Variants in MOCOS observed in about 807,000 individuals in gnomAD.
MOCOS encodes human molybdenum cofactor sulfurase.
In MOCOS, 86 loss-of-function variants were observed where a neutral mutation model predicts 83.6. The observed-to-expected ratio is 1.03, with a 90% confidence interval of 0.86 to 1.23. The LOEUF is 1.23. Among genes scored for constraint, MOCOS ranks in the 50% most tolerant of loss-of-function variants. MOCOS has a pLI of 0.00. For missense variants in MOCOS, 1,120 were observed against 1,126.9 expected (o/e 0.99, Z 0.09); for synonymous variants, 445 against 434.7 (o/e 1.02, Z -0.29).
chr18:36,191,398 C>T (rs1280675875), intron 1 of MOCOS, among the ~76,000 whole-genome samples: 1 of 152,230 alleles, frequency 6.6e-6, no homozygotes, highest in African/African-American at 2.4e-5. Context: ...CAATTGCTGT[C>T]ACTCATGTCT....
chr18:36,215,115 G>A (rs967946563), intron 7 of MOCOS, among the ~76,000 whole-genome samples: 2 of 152,188 alleles, frequency 1.3e-5, no homozygotes, highest in East Asian at 1.9e-4. Flanking sequence ...AGAGGCTAAC[G>A]AGAGTGACCA....
At chr18:36,255,128 T>C (rs1168830135) in intron 11 of MOCOS, among the ~76,000 whole-genome samples, 16 of 152,172 alleles carry the variant, frequency 1.1e-4, no homozygotes, top group Admixed American at 1.0e-3. Flanking sequence ...AAAATGAGCC[T>C]CTTAATGAGG....
intron 1 of MOCOS, among the ~76,000 whole-genome samples, chr18:36,191,343 G>T (rs2091365233): frequency 6.6e-6 from 1 of 152,228 alleles, no homozygotes; most frequent in Non-Finnish European, 1.5e-5. Context: ...TCACCAGGGA[G>T]CCTCCCTCTC....
intron 6 of MOCOS, among the ~76,000 whole-genome samples, chr18:36,212,766 A>G (rs904716773): frequency 6.6e-6 from 1 of 152,206 alleles, no homozygotes; most frequent in Non-Finnish European, 1.5e-5. Context: ...AGGCTCACTC[A>G]GCTGAGCAAG....
chr18:36,249,250 C>T (rs1271005818), intron 10 of MOCOS, among the ~76,000 whole-genome samples: 1 of 152,132 alleles, frequency 6.6e-6, no homozygotes, highest in Admixed American at 6.5e-5. Flanking sequence ...GTTATACCTC[C>T]ACAGGGCTGT....
intron 2 of MOCOS, among the ~76,000 whole-genome samples, chr18:36,196,998 C>G (rs2144897868): frequency 6.6e-6 from 1 of 152,208 alleles, no homozygotes; most frequent in East Asian, 1.9e-4. Flanking sequence ...CAAAGCCTGT[C>G]TGGGGGTTAA....
chr18:36,225,372 G>T (rs183733021), intron 9 of MOCOS, among the ~76,000 whole-genome samples: 1 of 152,064 alleles, frequency 6.6e-6, no homozygotes, highest in Non-Finnish European at 1.5e-5. Flanking sequence ...GGATGGTCTC[G>T]ATCTCTTGAC....
chr18:36,248,615 G>A (rs565867697), intron 9 of MOCOS, among the ~76,000 whole-genome samples: 2 of 152,270 alleles, frequency 1.3e-5, no homozygotes, highest in East Asian at 1.9e-4. Context: ...GTTGATTTGT[G>A]TATATGGTGA....
At chr18:36,205,864 C>G (rs932314590) in intron 6 of MOCOS, among the ~76,000 whole-genome samples, 2 of 151,400 alleles carry the variant, frequency 1.3e-5, no homozygotes. Context: ...CTCAGCCTTC[C>G]GAGTAGCTGG....
At chr18:36,243,020 T>C (rs1181849224) in intron 9 of MOCOS, among the ~76,000 whole-genome samples, 4 of 150,842 alleles carry the variant, frequency 2.7e-5, no homozygotes, top group Non-Finnish European at 4.4e-5. Flanking sequence ...AGTATTTTAA[T>C]TTTTTTTTGC....
chr18:36,260,657 C>A (rs1002106866), intron 13 of MOCOS, among the ~76,000 whole-genome samples: 1 of 152,114 alleles, frequency 6.6e-6, no homozygotes, highest in East Asian at 1.9e-4. Context: ...GGCAAAGCCA[C>A]CACGATGTCC....
At chr18:36,219,676 C>A (rs536633469) in intron 8 of MOCOS, among the ~76,000 whole-genome samples, 10 of 152,150 alleles carry the variant, frequency 6.6e-5, no homozygotes, top group African/African-American at 2.4e-4. Flanking sequence ...AAGACTCCAT[C>A]TTAAAAACAA....
In MOCOS at chr18:36,269,164, G is replaced by A; in HGVS notation, c.*479G>A. 1 of 169,558 alleles carries A rather than the reference G, an allele frequency of 5.9e-6. No individual in the cohort carries two copies. The highest frequency in any genetic ancestry group is 1.4e-4 in the South Asian group (1 of 6,920). 10.5% of individuals were successfully genotyped at this position (169,558 alleles called of 1,614,324 possible). ...TCCTCCCATGTACATGATGGTGTGG[G>A]TTTATGCTCAGGGGCCCAGAGGGTA... On this transcript the variant is annotated 3_prime_UTR_variant, in exon 15 of 15. Transcript: ENST00000261326.
In MOCOS at chr18:36,200,162, TCTC is replaced by T. The variant is rs745683275; in HGVS notation, c.782_784del (p.Ser261del). 1 of 1,614,084 alleles carries T rather than the reference TCTC, an allele frequency of 6.2e-7. No individual in the cohort carries two copies. The highest frequency in any genetic ancestry group is 1.3e-5 in the African/African-American group (1 of 74,916). On this transcript the variant is annotated inframe_deletion, in exon 4 of 15. Coordinates refer to ENST00000261326, the MANE Select transcript of MOCOS (RefSeq NM_017947.4). ...GCTCACCAGGCCGACTTTGTCCCCA[TCTC>T]CTTCTATAAGATCTTCGGGTTTCCT... is the stretch of plus-strand genomic sequence containing the variant.
In MOCOS at chr18:36,268,932, G is replaced by A; in HGVS notation, c.*247G>A. 1 of 534,694 alleles carries A rather than the reference G, an allele frequency of 1.9e-6. No individual in the cohort carries two copies. The highest frequency in any genetic ancestry group is 2.2e-5 in the South Asian group (1 of 45,288). The allele number at this position is 534,694 out of a possible 1,614,324, so 33.1% of individuals were successfully genotyped here. Reference sequence around the variant, plus strand: ...TGCACCCACATCCAGTGAGGCTCCTGTAGGTATTTGAAGTATAATCACTTG... The same window carrying A: ...TGCACCCACATCCAGTGAGGCTCCTATAGGTATTTGAAGTATAATCACTTG... On this transcript the variant is annotated 3_prime_UTR_variant, in exon 15 of 15. Transcript: ENST00000261326.
intron 7 of MOCOS, among the ~76,000 whole-genome samples, chr18:36,214,263 GAAAAGA>G (rs1252127263): frequency 0.063 from 2,353 of 37,098 alleles, 47 homozygotes; most frequent in Non-Finnish European, 0.14. Flanking sequence ...AAAAAAAAAA[GAAAAGA>G]AAAAAAAGAA....
chr18:36,217,517 C>T (rs750738926), intron 8 of MOCOS, among the ~76,000 whole-genome samples: 6 of 152,080 alleles, frequency 3.9e-5, no homozygotes, highest in African/African-American at 4.8e-5. Flanking sequence ...TGAACCTTTG[C>T]CTTTGTCCAC....
In MOCOS at chr18:36,203,188, A is replaced by G; in HGVS notation, c.1017A>G (p.Thr339=). The part of the protein sequence containing the change: ...KHGFDTLERL[T]GGMENIKQHT... Reference sequence around the variant, plus strand: ...GATTTGACACCCTAGAGCGCCTCACAGGTCAGTGGACATTTCTATCCCTGT... The same window carrying G: ...GATTTGACACCCTAGAGCGCCTCACGGGTCAGTGGACATTTCTATCCCTGT... Residue 339 remains threonine, a splice_region_variant and synonymous_variant, in exon 5 of 15, where the codon ACA becomes ACG. Transcript: ENST00000261326. 2.5e-6 allele frequency: 4 copies of G among 1,613,480 alleles called. No individual in the cohort carries two copies. Among genetic ancestry groups the G allele is most frequent in the Non-Finnish European group, 3.4e-6 (4 of 1,179,410 alleles).
chr18:36,209,926 A>G (rs1398950658), intron 6 of MOCOS, among the ~76,000 whole-genome samples: 1 of 152,038 alleles, frequency 6.6e-6, no homozygotes, highest in Non-Finnish European at 1.5e-5. Context: ...CTGGTCTTGA[A>G]CACCTGAGCT....
Sources: allele counts gnomAD v4.1 joint callset (sites outside exome capture counted in the v4.1 genomes callset), GRCh38; gene constraint gnomAD v4.1.1; transcripts MANE v1.5; gene names NCBI Gene and HGNC (gene_info 2026-07-23, HGNC 2026-07-21).